The following ESD variants were observed in gnomAD, a reference collection of about 807,000 sequenced individuals.
The protein encoded by ESD is S-formylglutathione hydrolase.
A neutral mutation model predicts 38.1 loss-of-function variants in ESD; 34 were observed. That is an observed-to-expected ratio of 0.89 (90% confidence interval 0.68 to 1.19). ESD has a LOEUF of 1.19. ESD is among the 50% of genes most tolerant of loss of function. The probability of loss-of-function intolerance (pLI) is 0.00; values close to 1 mark genes in which losing one functional copy is unlikely to be tolerated. For synonymous variants in ESD, 97 were observed against 107.0 expected, an observed-to-expected ratio of 0.91 and a Z score of 0.58; for missense variants, 334 against 327.2, an observed-to-expected ratio of 1.02 and a Z score of -0.16.
At chr13:46,791,278 G>T (rs2138304118) in intron 3 of ESD, 68 bp downstream of exon 3, 2 of 1,146,048 alleles carry the variant, frequency 1.7e-6, no homozygotes, top group Non-Finnish European at 2.6e-6. Context: ...GATAAAGATT[G>T]GTTTTAAAAT....
intron 9 of ESD, chr13:46,775,767 T>C: frequency 6.8e-6 from 3 of 442,444 alleles, no homozygotes; most frequent in South Asian, 5.0e-5. Flanking sequence ...CTTTCTTACT[T>C]TTTTAGAAGA....
At chr13:46,794,673 TTTC>T (rs1875517669) in intron 1 of ESD, among the ~76,000 whole-genome samples, 1 of 152,126 alleles carries the variant, frequency 6.6e-6, no homozygotes, top group Admixed American at 6.5e-5. Context: ...GATTTTGATG[TTTC>T]TTCATTTCCA....
intron 3 of ESD, among the ~76,000 whole-genome samples, chr13:46,789,518 G>T (rs377234755): frequency 5.3e-5 from 8 of 152,208 alleles, no homozygotes; most frequent in African/African-American, 1.9e-4. Flanking sequence ...TATGTTGTTG[G>T]TGTAGATCTA....
chr13:46,796,187 T>C lies in ESD; in HGVS notation c.-56+918A>G, dbSNP rs117868103. Among the ~76,000 whole-genome samples the C allele has an allele frequency of 3.6e-3, 552 of 152,292 alleles. 3 individuals are homozygous for C. The highest frequency in any genetic ancestry group is 0.014 in the Middle Eastern group (4 of 294). ...TTCTAGGATGGCCTGGATGTTGCTATCGGGTGGCTTTACTCAATGCCACGG... is the reference window on the plus strand; with the variant it reads ...TTCTAGGATGGCCTGGATGTTGCTACCGGGTGGCTTTACTCAATGCCACGG... On this transcript the variant is annotated intron_variant, in intron 1 of 9. Coordinates refer to ENST00000378720, the MANE Select transcript of ESD (RefSeq NM_001984.2).
At chr13:46,782,076 A>G (rs1209766707) in intron 6 of ESD, among the ~76,000 whole-genome samples, 1 of 151,838 alleles carries the variant, frequency 6.6e-6, no homozygotes, top group African/African-American at 2.4e-5. Context: ...TCAGAATAAC[A>G]CTAGAAAATA....
chr13:46,786,414 T>G (rs2138297924), intron 4 of ESD, among the ~76,000 whole-genome samples: 1 of 152,148 alleles, frequency 6.6e-6, no homozygotes, highest in South Asian at 2.1e-4. Context: ...CTTCTGAAGA[T>G]GAAGTACCAG....
chr13:46,788,441 A>T (rs77658238), intron 3 of ESD, among the ~76,000 whole-genome samples: 6,250 of 152,158 alleles, frequency 0.041, 419 homozygotes, highest in African/African-American at 0.14. Flanking sequence ...TCCATATTCA[A>T]TGCAGGGATA....
intron 4 of ESD, among the ~76,000 whole-genome samples, chr13:46,786,312 A>C (rs1157195493): frequency 6.6e-6 from 1 of 152,024 alleles, no homozygotes; most frequent in Non-Finnish European, 1.5e-5. Context: ...GGATTTGTTA[A>C]ATCAAAGTTA....
At chr13:46,788,028 GC>G (rs1218632676) in intron 3 of ESD, among the ~76,000 whole-genome samples, 6 of 151,938 alleles carry the variant, frequency 3.9e-5, no homozygotes, top group Non-Finnish European at 7.4e-5. Flanking sequence ...CTCTCTGCAT[GC>G]CCCTACATTT....
rs1477004854 is a variant in ESD, at chr13:46,791,385, TTG to T, written c.27_28del (p.Asn9LysfsTer11). The T allele has an allele frequency of 1.2e-6, 2 of 1,613,108 alleles. No individual in the cohort carries two copies. Among genetic ancestry groups the T allele is most frequent in the East Asian group, 4.5e-5 (2 of 44,770 alleles). On this transcript the variant is annotated frameshift_variant, in exon 3 of 10. Coordinates refer to ENST00000378720, the MANE Select transcript of ESD (RefSeq NM_001984.2). LOFTEE classifies it high-confidence loss of function. ...AACTTTCTGCAATCCCCCAAAGCAC[TTG>T]TTGCTGGAAATCTGCTTCAATGCCA... is the stretch of plus-strand genomic sequence containing the variant.
At position 46,781,667 on chromosome 13, in the gene ESD, A is replaced by T. The variant is rs565787210; in HGVS notation, c.382-52T>A. 8 of 1,525,428 alleles carry T rather than the reference A, an allele frequency of 5.2e-6. No individual in the cohort carries two copies. The African/African-American group carries it at 5.5e-5, about 11-fold the overall frequency. The allele number at this position is 1,525,428 out of a possible 1,614,324, so 94.5% of individuals were successfully genotyped here. A position where few individuals can be genotyped will look rare whatever the true frequency, so the allele number is the denominator to read the frequency against. ...AAGATATCAAAGAAAATAAGTTCAG[A>T]CATTTCAAAGTTACAGAAAATAATT... On this transcript the variant is annotated intron_variant, in intron 6 of 9. Transcript: ENST00000378720.
At chr13:46,772,588 A>G (rs1044258189) in intron 9 of ESD, among the ~76,000 whole-genome samples, 4 of 151,636 alleles carry the variant, frequency 2.6e-5, no homozygotes, top group Admixed American at 2.6e-4. Context: ...GCTTTCCCCA[A>G]CTCCCATCGC....
chr13:46,789,801 G>A (rs1875326005), intron 3 of ESD, among the ~76,000 whole-genome samples: 1 of 151,472 alleles, frequency 6.6e-6, no homozygotes, highest in Non-Finnish European at 1.5e-5. Flanking sequence ...AGGCTTTTTT[G>A]TAGTTGAGGA....
At chr13:46,796,810 GA>G (rs778325938) in intron 1 of ESD, among the ~76,000 whole-genome samples, 1 of 152,208 alleles carries the variant, frequency 6.6e-6, no homozygotes, top group South Asian at 2.1e-4. Flanking sequence ...TTCTGAACAG[GA>G]AAAAGCTGTA....
At chr13:46,782,395 G>T (rs1390335800) in intron 6 of ESD, among the ~76,000 whole-genome samples, 1 of 151,736 alleles carries the variant, frequency 6.6e-6, no homozygotes, top group Non-Finnish European at 1.5e-5. Context: ...AAATGAACCA[G>T]CTGCCAGGCA....
At chr13:46,784,498 G>C (rs990417857) in intron 4 of ESD, 148 bp from the exon 5 acceptor site, 1 of 574,860 alleles carries the variant, frequency 1.7e-6, no homozygotes, top group Admixed American at 3.1e-5. Flanking sequence ...CCGGGTGATG[G>C]TATCTTTCAT....
chr13:46,793,763 G>C (rs930020522), intron 1 of ESD, among the ~76,000 whole-genome samples: 8 of 152,030 alleles, frequency 5.3e-5, no homozygotes, highest in Non-Finnish European at 1.0e-4. Flanking sequence ...GTGTAATTTC[G>C]AAGCATGAGA....
chr13:46,789,283 T>C (rs1163077877), intron 3 of ESD, among the ~76,000 whole-genome samples: 2 of 152,198 alleles, frequency 1.3e-5, no homozygotes, highest in Non-Finnish European at 1.5e-5. Flanking sequence ...AAATACACTT[T>C]GAGACCTTTC....
intron 7 of ESD, among the ~76,000 whole-genome samples, chr13:46,780,889 A>G (rs1032508154): frequency 1.3e-5 from 2 of 151,798 alleles, no homozygotes; most frequent in Admixed American, 1.3e-4. Context: ...TAAAGGCAGA[A>G]GAAATTTTAA....
Sources: gnomAD v4.1 joint callset for allele counts (sites outside exome capture counted in the v4.1 genomes callset) on GRCh38, gnomAD v4.1.1 for gene constraint, MANE v1.5 for transcripts, NCBI Gene and HGNC (gene_info 2026-07-23, HGNC 2026-07-21) for gene names.